The following SLC35D4 variants were observed in gnomAD, a reference collection of about 807,000 sequenced individuals.
The protein encoded by SLC35D4 is solute carrier family 35 member D4.
the SLC35D4 span, among the ~76,000 whole-genome samples, chr18:23,407,857 G>A: frequency 6.6e-6 from 1 of 152,090 alleles, no homozygotes; most frequent in Non-Finnish European, 1.5e-5. Flanking sequence ...CGTACTTTTT[G>A]AGCCAGAAAA....
chr18:23,290,112 C>T, the SLC35D4 span, among the ~76,000 whole-genome samples: 1 of 152,212 alleles, frequency 6.6e-6, no homozygotes, highest in South Asian at 2.1e-4. Flanking sequence ...GGGTGAAGCA[C>T]AGCAGGCCCC....
chr18:23,238,786 TG>T, the SLC35D4 span, among the ~76,000 whole-genome samples: 1 of 152,156 alleles, frequency 6.6e-6, no homozygotes, highest in African/African-American at 2.4e-5. Context: ...AGACAGGAAA[TG>T]GGGGATCCAG....
chr18:23,247,308 G>A, the SLC35D4 span, among the ~76,000 whole-genome samples: 4 of 152,236 alleles, frequency 2.6e-5, no homozygotes, highest in East Asian at 1.9e-4. Context: ...AGAGGACATC[G>A]AGGACTGTCA....
the SLC35D4 span, among the ~76,000 whole-genome samples, chr18:23,387,556 C>T: frequency 1.1e-4 from 17 of 152,322 alleles, 1 homozygote; most frequent in South Asian, 3.5e-3. Flanking sequence ...GGACCTGCTT[C>T]AAAATTATGC....
At chr18:23,360,443 G>T in the SLC35D4 span, among the ~76,000 whole-genome samples, 1 of 152,172 alleles carries the variant, frequency 6.6e-6, no homozygotes, top group Non-Finnish European at 1.5e-5. Flanking sequence ...AACCCTACCA[G>T]CAACAAAAAG....
the SLC35D4 span, among the ~76,000 whole-genome samples, chr18:23,288,994 C>T: frequency 6.6e-6 from 1 of 152,200 alleles, no homozygotes; most frequent in Non-Finnish European, 1.5e-5. Flanking sequence ...AGGTACAGCC[C>T]ATTTAAGCTC....
At chr18:23,362,553 T>G in the SLC35D4 span, among the ~76,000 whole-genome samples, 1 of 151,900 alleles carries the variant, frequency 6.6e-6, no homozygotes, top group South Asian at 2.1e-4. Context: ...GAGCCAAGAT[T>G]GCACCACTGC....
At chr18:23,337,720 CCTT>C in the SLC35D4 span, among the ~76,000 whole-genome samples, 1 of 152,280 alleles carries the variant, frequency 6.6e-6, no homozygotes, top group South Asian at 2.1e-4. Flanking sequence ...AACCAAGACT[CCTT>C]CTTAGTTCAA....
At chr18:23,253,717 G>A in the SLC35D4 span, 1 of 1,612,752 alleles carries the variant, frequency 6.2e-7, no homozygotes, top group East Asian at 2.2e-5. Context: ...CCTCTTGCCT[G>A]TCTTTCTCCA....
At chr18:23,309,840 G>A in the SLC35D4 span, 1 of 1,197,386 alleles carries the variant, frequency 8.4e-7, no homozygotes, top group Non-Finnish European at 1.2e-6. Context: ...CTTGAGTTCG[G>A]ATGCCTGCCA....
chr18:23,333,936 A>C, the SLC35D4 span, among the ~76,000 whole-genome samples: 1 of 152,194 alleles, frequency 6.6e-6, no homozygotes, highest in Non-Finnish European at 1.5e-5. Flanking sequence ...ACTCTTTTGC[A>C]ATTCAAATTA....
chr18:23,412,765 G>A, the SLC35D4 span, among the ~76,000 whole-genome samples: 5 of 152,126 alleles, frequency 3.3e-5, no homozygotes, highest in Non-Finnish European at 7.3e-5. Context: ...GCATTTTATC[G>A]GCACACTGTC....
chr18:23,247,865 A>G, the SLC35D4 span, among the ~76,000 whole-genome samples: 1 of 152,224 alleles, frequency 6.6e-6, no homozygotes, highest in South Asian at 2.1e-4. Flanking sequence ...GTGCTGCCAC[A>G]TATTCCCCAC....
At chr18:23,307,238 A>G in the SLC35D4 span, among the ~76,000 whole-genome samples, 36 of 152,250 alleles carry the variant, frequency 2.4e-4, no homozygotes, top group African/African-American at 8.7e-4. Context: ...TAAATGTCTT[A>G]TAAATAGCAT....
chr18:23,285,922 C>T, the SLC35D4 span, among the ~76,000 whole-genome samples: 4 of 151,970 alleles, frequency 2.6e-5, no homozygotes, highest in African/African-American at 7.3e-5. Context: ...AATCAGACGG[C>T]GTTTAGGCTC....
At chr18:23,325,444 C>A in the SLC35D4 span, among the ~76,000 whole-genome samples, 3 of 152,016 alleles carry the variant, frequency 2.0e-5, no homozygotes, top group Non-Finnish European at 2.9e-5. Flanking sequence ...CTGCTGTGCA[C>A]AGGAGGGGCT....
the SLC35D4 span, chr18:23,309,718 C>CAA: frequency 1.9e-6 from 3 of 1,614,156 alleles, no homozygotes; most frequent in Non-Finnish European, 1.7e-6. Context: ...CATCAAACAG[C>CAA]AATATTGATA....
chr18:23,275,196 G>A, the SLC35D4 span, among the ~76,000 whole-genome samples: 4 of 151,918 alleles, frequency 2.6e-5, no homozygotes, highest in Admixed American at 1.3e-4. Flanking sequence ...TGGGAACTTC[G>A]CAATGTTCTG....
the SLC35D4 span, among the ~76,000 whole-genome samples, chr18:23,327,122 C>T: frequency 1.3e-5 from 2 of 152,154 alleles, no homozygotes; most frequent in South Asian, 4.1e-4. Flanking sequence ...AACACCCTAA[C>T]ATCATAATTA....
Sources: gnomAD v4.1 joint callset for allele counts (sites outside exome capture counted in the v4.1 genomes callset) on GRCh38, gnomAD v4.1.1 for gene constraint, MANE v1.5 for transcripts, NCBI Gene and HGNC (gene_info 2026-07-23, HGNC 2026-07-21) for gene names.